TP53I11: variants seen among roughly 807,000 people sequenced by gnomAD.
TP53I11 encodes tumor protein p53 inducible protein 11, also known as tumor protein p53-inducible protein 11.
Under a neutral mutation model 23.3 loss-of-function variants are expected in TP53I11, and 9 were observed. That is an observed-to-expected ratio of 0.39 (90% CI 0.23 to 0.67). The LOEUF (loss-of-function observed/expected upper bound fraction) is 0.67, where lower values mean the gene tolerates loss of function less well. Among genes scored for constraint, TP53I11 ranks in the 30% least tolerant of loss-of-function variants. The pLI, the probability that TP53I11 is intolerant of heterozygous loss-of-function variation, is 0.48. For synonymous variants in TP53I11, 100 were observed against 106.1 expected (o/e 0.94, Z 0.35); for missense variants, 170 against 255.2 (o/e 0.67, Z 2.27).
intron 1 of TP53I11, chr11:44,950,113 G>C (rs1862793849): frequency 6.6e-6 from 1 of 152,276 alleles, no homozygotes; most frequent in Non-Finnish European, 1.5e-5. Flanking sequence ...TGTGGGCAGC[G>C]GGAACTCCGC....
chr11:44,934,858 G>C lies in TP53I11; in HGVS notation c.*26C>G. 1 of 1,613,480 alleles carries C rather than the reference G, an allele frequency of 6.2e-7. No individual in the cohort carries two copies. Among genetic ancestry groups the C allele is most frequent in the Non-Finnish European group, 8.5e-7 (1 of 1,179,760 alleles). ...CCAGCGCCACTCTGGCCCAGGCATGGGCAGGGCCCCAGGCCCAGCGGGCAA... is the reference window on the plus strand; with the variant it reads ...CCAGCGCCACTCTGGCCCAGGCATGCGCAGGGCCCCAGGCCCAGCGGGCAA... On this transcript the variant is annotated 3_prime_UTR_variant, in exon 7 of 7. Coordinates refer to ENST00000525680, the MANE Select transcript of TP53I11 (RefSeq NM_006034.5).
chr11:44,945,873 C>T (rs977371689), intron 1 of TP53I11, among the ~76,000 whole-genome samples: 5 of 152,130 alleles, frequency 3.3e-5, no homozygotes, highest in African/African-American at 9.7e-5. Flanking sequence ...GCTCCAGCTG[C>T]GGTCCCTCCC....
intron 1 of TP53I11, among the ~76,000 whole-genome samples, chr11:44,948,318 G>A (rs1590804685): frequency 6.6e-6 from 1 of 152,166 alleles, no homozygotes; most frequent in East Asian, 1.9e-4. Context: ...CTCTTCCTCA[G>A]CCCCTCACTC....
chr11:44,937,492 T>C (rs372421321), intron 3 of TP53I11, 63 bp downstream of exon 3: 6 of 1,589,248 alleles, frequency 3.8e-6, no homozygotes, highest in Middle Eastern at 1.7e-4. Flanking sequence ...AGGTGAGGTC[T>C]TATGCATTCT....
rs764297864 is a variant in TP53I11 at position 44,934,904 on chromosome 11, G to A, written c.550C>T (p.Arg184Ter). 13 of 1,614,012 alleles carry A rather than the reference G, an allele frequency of 8.1e-6. No homozygotes were observed. The highest frequency in any genetic ancestry group is 8.5e-6 in the Non-Finnish European group (10 of 1,179,998). The part of the protein sequence containing the change: ...ISIYYYYQVG[R>*]RPKKA ...GGCAACTAGGCCTTCTTGGGTCTTC[G>A]GCCGACTTGGTAATAGTAGTAAATG... The change falls in exon 7 of 7, where the codon CGA becomes TGA. Residue 184 changes from arginine to a stop codon, truncating the protein, a stop_gained. Transcript: ENST00000525680. LOFTEE classifies it high-confidence loss of function.
rs576009361 is a variant in TP53I11, at chr11:44,933,009, T to C, written c.*1875A>G. 1.4e-4 allele frequency: 18 copies of C among 127,894 alleles called. No homozygotes were observed. Among genetic ancestry groups the C allele is most frequent in the African/African-American group, 5.0e-4 (17 of 34,286 alleles). 7.9% of individuals were successfully genotyped at this position (127,894 alleles called of 1,614,324 possible). ...GGCTTCGGCCTGAGGGCACTGCCCATTGGCGGCACCACCTGTGGGCAGCAG... is the reference window on the plus strand; with the variant it reads ...GGCTTCGGCCTGAGGGCACTGCCCACTGGCGGCACCACCTGTGGGCAGCAG... On this transcript the variant is annotated 3_prime_UTR_variant, in exon 7 of 7. Transcript: ENST00000525680.
Position 44,935,677 on chromosome 11 carries a change from G to GA in TP53I11, c.335-16dup. 1 of 575,490 alleles carries GA rather than the reference G, an allele frequency of 1.7e-6. No homozygotes were observed. Among genetic ancestry groups the GA allele is most frequent in the Non-Finnish European group, 3.1e-6 (1 of 318,296 alleles). 35.6% of individuals were successfully genotyped at this position (575,490 alleles called of 1,614,324 possible). A position where few individuals can be genotyped will look rare whatever the true frequency, so the allele number is the denominator to read the frequency against. ...CAGGGAGATGCCTGGGGCGGGGGAT[G>GA]AAAAGGGGGCTGGGGGTGGGACAGC... On this transcript the variant is annotated splice_polypyrimidine_tract_variant and intron_variant, in intron 5 of 6. Coordinates refer to ENST00000525680, the MANE Select transcript of TP53I11 (RefSeq NM_006034.5).
rs113567820 is a variant in TP53I11, at chr11:44,937,144, C to T, written c.237+160G>A. The T allele has an allele frequency of 6.8e-4, 610 of 902,900 alleles. 4 individuals carry two copies. Among genetic ancestry groups the T allele is most frequent in the African/African-American group, 5.5e-3 (324 of 58,828 alleles). The allele number at this position is 902,900 out of a possible 1,614,324, so 55.9% of individuals were successfully genotyped here. On this transcript the variant is annotated intron_variant, in intron 4 of 6. Transcript: ENST00000525680. The stretch of plus-strand genomic sequence containing the variant: ...AGTGTGCTCCTGGAGAAGGCACAGG[C>T]GTGGCAGTGTAGGAGTCAGGTTCTC...
At chr11:44,942,383 AC>A (rs1861947117) in intron 1 of TP53I11, among the ~76,000 whole-genome samples, 2 of 145,052 alleles carry the variant, frequency 1.4e-5, no homozygotes, top group Admixed American at 1.4e-4. Context: ...ATACACACAC[AC>A]CACACAAACC....
intron 6 of TP53I11, 137 bp downstream of exon 6, chr11:44,935,424 G>A: frequency 2.7e-6 from 2 of 754,296 alleles, no homozygotes; most frequent in Non-Finnish European, 4.4e-6. Flanking sequence ...AGCCAGGTGA[G>A]TCCTTATCCC....
At chr11:44,937,877 G>C (rs907967681) in intron 2 of TP53I11, among the ~76,000 whole-genome samples, 3 of 152,230 alleles carry the variant, frequency 2.0e-5, no homozygotes, top group African/African-American at 7.2e-5. Context: ...GCCTGGTCCT[G>C]CCACTTACCG....
At chr11:44,935,099 T>C (rs1256207693) in intron 6 of TP53I11, 82 bp from the exon 7 acceptor site, 2 of 1,582,082 alleles carry the variant, frequency 1.3e-6, no homozygotes, top group East Asian at 2.2e-5. Context: ...GGAGCGCTGG[T>C]GTGGCCGTCT....
chr11:44,934,611 G>T lies in TP53I11; in HGVS notation c.*273C>A. The T allele has an allele frequency of 2.3e-6, 1 of 440,260 alleles. No individual in the cohort carries two copies. The highest frequency in any genetic ancestry group is 4.2e-6 in the Non-Finnish European group (1 of 238,848). The allele number at this position is 440,260 out of a possible 1,614,324, so 27.3% of individuals were successfully genotyped here. On this transcript the variant is annotated 3_prime_UTR_variant, in exon 7 of 7. Transcript: ENST00000525680. Reference sequence around the variant, plus strand: ...TCTATTGAGGGGGTCTGGAGGCCAAGAGACCCAAGGAAAGGAGGTATCACT... The same window carrying T: ...TCTATTGAGGGGGTCTGGAGGCCAATAGACCCAAGGAAAGGAGGTATCACT...
intron 1 of TP53I11, among the ~76,000 whole-genome samples, chr11:44,941,554 G>A (rs1861756681): frequency 6.6e-6 from 1 of 152,108 alleles, no homozygotes; most frequent in Non-Finnish European, 1.5e-5. Context: ...AGGTGTAGTT[G>A]GGAAAATAAG....
At chr11:44,947,866 G>A (rs530051745) in intron 1 of TP53I11, among the ~76,000 whole-genome samples, 2 of 152,238 alleles carry the variant, frequency 1.3e-5, no homozygotes, top group East Asian at 1.9e-4. Flanking sequence ...CCAGAACAGC[G>A]CCTGTTTTGT....
In TP53I11 at chr11:44,933,003, T is replaced by C. The variant is rs1165449674; in HGVS notation, c.*1881A>G. The C allele has an allele frequency of 1.3e-5, 2 of 149,850 alleles. No homozygotes were observed. 9.3% of individuals were successfully genotyped at this position (149,850 alleles called of 1,614,324 possible). A position where few individuals can be genotyped will look rare whatever the true frequency, so the allele number is the denominator to read the frequency against. On this transcript the variant is annotated 3_prime_UTR_variant, in exon 7 of 7. Transcript: ENST00000525680. Reference sequence around the variant, plus strand: ...GATTGAGGCTTCGGCCTGAGGGCACTGCCCATTGGCGGCACCACCTGTGGG... The same window carrying C: ...GATTGAGGCTTCGGCCTGAGGGCACCGCCCATTGGCGGCACCACCTGTGGG...
intron 1 of TP53I11, among the ~76,000 whole-genome samples, chr11:44,938,680 G>A (rs1452273463): frequency 6.6e-6 from 1 of 152,202 alleles, no homozygotes; most frequent in African/African-American, 2.4e-5. Flanking sequence ...CTGGATGGCG[G>A]CCACATCCAA....
intron 2 of TP53I11, among the ~76,000 whole-genome samples, chr11:44,937,855 T>C (rs938688609): frequency 6.6e-6 from 1 of 152,216 alleles, no homozygotes; most frequent in African/African-American, 2.4e-5. Context: ...CTCTGCCAAA[T>C]GCAGACTTGA....
At chr11:44,938,396 G>A in intron 1 of TP53I11, 30 bp from the exon 2 acceptor site, 2 of 1,490,406 alleles carry the variant, frequency 1.3e-6, no homozygotes, top group Non-Finnish European at 1.8e-6. Flanking sequence ...TCAGGCCACA[G>A]TTCCTACCCA....
Sources: allele counts gnomAD v4.1 joint callset (sites outside exome capture counted in the v4.1 genomes callset), GRCh38; gene constraint gnomAD v4.1.1; transcripts MANE v1.5; gene names NCBI Gene and HGNC (gene_info 2026-07-23, HGNC 2026-07-21).